Variants in NOSTRIN observed in about 807,000 individuals in gnomAD.
NOSTRIN encodes BM247 homolog.
In NOSTRIN, 63 loss-of-function variants were observed where a neutral mutation model predicts 59.0. The observed-to-expected ratio is 1.07, with a 90% CI of 0.87 to 1.32. The LOEUF (loss-of-function observed/expected upper bound fraction) is 1.32. Among genes scored for constraint, NOSTRIN ranks in the 40% most tolerant of loss-of-function variants. NOSTRIN has a pLI of 0.00. For synonymous variants in NOSTRIN, 200 were observed against 165.4 expected (o/e 1.21, Z -1.61); for missense variants, 512 against 473.1 (o/e 1.08, Z -0.76).
At chr2:168,789,351 C>A (rs150693172) in intron 2 of NOSTRIN, among the ~76,000 whole-genome samples, 4 of 152,274 alleles carry the variant, frequency 2.6e-5, no homozygotes, top group African/African-American at 9.6e-5. Flanking sequence ...GATGGGGAGA[C>A]CTCATAACCA....
At chr2:168,856,808 TGTA>T in intron 12 of NOSTRIN, 30 bp downstream of exon 12, 1 of 1,595,290 alleles carries the variant, frequency 6.3e-7, no homozygotes, top group Non-Finnish European at 8.6e-7. Flanking sequence ...ATTTCCTAGA[TGTA>T]GTGATGAAAA....
intron 7 of NOSTRIN, among the ~76,000 whole-genome samples, chr2:168,841,399 C>G (rs1348227503): frequency 6.6e-6 from 1 of 151,402 alleles, no homozygotes; most frequent in Non-Finnish European, 1.5e-5. Flanking sequence ...TTTCAGCTAC[C>G]CTGGCCCAGG....
rs149684643 is a variant in NOSTRIN at position 168,837,519 on chromosome 2, T to C, written c.504+3194T>C. On this transcript the variant is annotated intron_variant, in intron 7 of 15. Transcript: ENST00000317647. ...AGAGATGGGATTTCACCGAGTTAGC[T>C]AGGATAGTCTCGATCTCCTGACTTC... 7.4e-4 allele frequency among the ~76,000 whole-genome samples: 112 copies of C among 152,038 alleles called. 2 individuals are homozygous for C. Among genetic ancestry groups the C allele is most frequent in the African/African-American group, 1.5e-3 (63 of 41,488 alleles).
In NOSTRIN at chr2:168,859,568, A is replaced by G. The variant is rs2105786948; in HGVS notation, c.1110A>G (p.Leu370=). ...EANSYKLSSM[L]AELEQRPQPS... is the part of the protein sequence containing the mutation. Reference sequence around the variant, plus strand: ...ACTCCTACAAACTGTCATCAATGTTAGCAGAACTTGAGCAAAGACCTCAAC... The same window carrying G: ...ACTCCTACAAACTGTCATCAATGTTGGCAGAACTTGAGCAAAGACCTCAAC... The change falls in exon 13 of 16, where the codon TTA becomes TTG. Residue 370 remains leucine (L), a synonymous_variant. Transcript: ENST00000317647. 1 of 1,614,188 alleles carries G rather than the reference A, an allele frequency of 6.2e-7. No individual in the cohort carries two copies. Among genetic ancestry groups the G allele is most frequent in the African/African-American group, 1.3e-5 (1 of 75,064 alleles).
chr2:168,841,235 C>CAAAAAAAAAAAAAAAAAAAAAA (rs57480764), intron 7 of NOSTRIN, among the ~76,000 whole-genome samples: 4 of 106,584 alleles, frequency 3.8e-5, no homozygotes, highest in African/African-American at 1.1e-4. Flanking sequence ...ACCCTGTCTC[C>CAAAAAAAAAAAAAAAAAAAAAA]AAAAAAAAAA....
At chr2:168,852,458 T>G (rs561142564) in intron 10 of NOSTRIN, among the ~76,000 whole-genome samples, 2 of 152,346 alleles carry the variant, frequency 1.3e-5, no homozygotes, top group African/African-American at 2.4e-5. Flanking sequence ...CCTCTTGATA[T>G]TCTTAATTGT....
intron 10 of NOSTRIN, 97 bp downstream of exon 10, chr2:168,851,501 T>C: frequency 6.7e-7 from 1 of 1,488,112 alleles, no homozygotes; most frequent in East Asian, 2.3e-5. Context: ...TCATGTTTTA[T>C]CAATGAAAAT....
At chr2:168,806,674 C>A (rs970437018) in intron 1 of NOSTRIN, among the ~76,000 whole-genome samples, 1 of 151,910 alleles carries the variant, frequency 6.6e-6, no homozygotes, top group African/African-American at 2.4e-5. Context: ...GTGTTTTTTT[C>A]CCCAATAATT....
At chr2:168,795,141 G>A (rs1559098358), upstream of NOSTRIN, among the ~76,000 whole-genome samples, 1 of 151,452 alleles carries the variant, frequency 6.6e-6, no homozygotes. Flanking sequence ...CTTATAAAGT[G>A]TAGAGGGGAC....
intron 11 of NOSTRIN, 44 bp from the exon 12 acceptor site, chr2:168,856,646 T>G: frequency 1.3e-5 from 20 of 1,557,036 alleles, no homozygotes; most frequent in Non-Finnish European, 1.7e-5. Flanking sequence ...TGTGTCCCAC[T>G]GAGACAGTGT....
chr2:168,840,403 A>G (rs1430570127), intron 7 of NOSTRIN, among the ~76,000 whole-genome samples: 3 of 151,672 alleles, frequency 2.0e-5, no homozygotes, highest in Admixed American at 6.6e-5. Context: ...GGTGGCAGGC[A>G]CCTGTAGTCC....
intron 7 of NOSTRIN, among the ~76,000 whole-genome samples, chr2:168,835,410 A>AT (rs1687663378): frequency 6.6e-6 from 1 of 152,120 alleles, no homozygotes; most frequent in Non-Finnish European, 1.5e-5. Context: ...TGTTCATCAA[A>AT]TTTTTTGTCA....
chr2:168,851,041 C>T lies in NOSTRIN; in HGVS notation c.631-43C>T, dbSNP rs751735676. 4.5e-6 allele frequency: 5 copies of T among 1,117,958 alleles called. No homozygotes were observed. In the East Asian group the frequency reaches 7.0e-5, roughly 16 times the overall value. 69.3% of individuals were successfully genotyped at this position (1,117,958 alleles called of 1,614,324 possible). A position where few individuals can be genotyped will look rare whatever the true frequency, so the allele number is the denominator to read the frequency against. On this transcript the variant is annotated intron_variant, in intron 8 of 15. Coordinates refer to ENST00000317647, the MANE Select transcript of NOSTRIN (RefSeq NM_001039724.4). ...TGTTTGATGAGTGACTTCCATTTTG[C>T]ATAACAACTGGCTGATCTTACCCCA...
At chr2:168,848,182 ATTTG>A (rs1216721730) in intron 8 of NOSTRIN, among the ~76,000 whole-genome samples, 4 of 152,218 alleles carry the variant, frequency 2.6e-5, no homozygotes, top group Non-Finnish European at 5.9e-5. Flanking sequence ...TGTTTTACGT[ATTTG>A]TTATGAGGCA....
At chr2:168,849,575 T>C (rs1688627164) in intron 8 of NOSTRIN, among the ~76,000 whole-genome samples, 1 of 149,554 alleles carries the variant, frequency 6.7e-6, no homozygotes, top group Non-Finnish European at 1.5e-5. Context: ...AGGCTGGCCT[T>C]GAACTCCTGA....
intron 1 of NOSTRIN, 97 bp downstream of exon 1, chr2:168,802,770 CA>C (rs1200729239): frequency 2.5e-6 from 2 of 812,696 alleles, no homozygotes; most frequent in Admixed American, 4.0e-5. Context: ...TTGAGACACT[CA>C]GAAACCAAAC....
rs775614192 is a variant in NOSTRIN, at chr2:168,811,574, A to C, written c.35A>C (p.Lys12Thr). The change falls in exon 2 of 16, where the codon AAA becomes ACA. Residue 12 changes from lysine (K) to threonine (T), a missense_variant. By Grantham distance (78) the Lys-to-Thr change is moderately conservative. Transcript: ENST00000317647. ...ATTGTTCTTGTTTTTCAGTATAATA[A>C]AGTATACAAGAACCTAAAGGAGTTT... ...RDPLTDCPYN[K>T]VYKNLKEFSQ... 2.4e-6 allele frequency: 2 copies of C among 848,416 alleles called. No individual in the cohort carries two copies. Among genetic ancestry groups the C allele is most frequent in the Non-Finnish European group, 4.1e-6 (2 of 491,574 alleles). The allele number at this position is 848,416 out of a possible 1,614,324, so 52.6% of individuals were successfully genotyped here.
rs774466918 is a variant in NOSTRIN, at chr2:168,859,555, T to A, written c.1097T>A (p.Leu366Gln). 1 of 1,614,124 alleles carries A rather than the reference T, an allele frequency of 6.2e-7. No homozygotes were observed. Among genetic ancestry groups the A allele is most frequent in the African/African-American group, 1.3e-5 (1 of 75,048 alleles). ...CTTTTGGAAGCGAACTCCTACAAAC[T>A]GTCATCAATGTTAGCAGAACTTGAG... The part of the protein sequence containing the change: ...LDLLEANSYK[L>Q]SSMLAELEQR... Residue 366 changes from leucine to glutamine, a missense_variant, in exon 13 of 16, where the codon CTG (leucine) becomes CAG (glutamine). By Grantham distance (113) the Leu-to-Gln change is moderately radical. Transcript: ENST00000317647.
chr2:168,855,353 A>C lies in NOSTRIN; in HGVS notation c.857A>C (p.Glu286Ala). The C allele has an allele frequency of 6.5e-7, 1 of 1,538,434 alleles. No individual in the cohort carries two copies. Among genetic ancestry groups the C allele is most frequent in the Non-Finnish European group, 8.9e-7 (1 of 1,127,264 alleles). The change falls in exon 11 of 16, where the codon GAA (glutamate) becomes GCA (alanine). Residue 286 changes from glutamate (E) to alanine (A), a missense_variant and splice_region_variant. Physicochemically the swap from Glu to Ala is moderately radical, Grantham distance 107. Transcript: ENST00000317647. The part of the protein sequence containing the change: ...KSEFLLTDYF[E>A]EDPNSAMDKE... ...AGACATCCTTCTTTTTTCCTAAAGG[A>C]AGAAGATCCTAACAGTGCAATGGAT...
Sources: allele counts gnomAD v4.1 joint callset (sites outside exome capture counted in the v4.1 genomes callset), GRCh38; gene constraint gnomAD v4.1.1; transcripts MANE v1.5; gene names NCBI Gene and HGNC (gene_info 2026-07-23, HGNC 2026-07-21).